Variants in SCLT1 observed in about 807,000 individuals in gnomAD.
SCLT1 encodes the protein sodium channel and clathrin linker 1.
In SCLT1, 78 loss-of-function variants were observed where a neutral mutation model predicts 112.8. That is an observed-to-expected ratio of 0.69 (90% CI 0.58 to 0.83). The LOEUF is 0.83. SCLT1 is among the 40% of genes least tolerant of loss of function. The pLI, the probability that SCLT1 is intolerant of heterozygous loss-of-function variation, is 0.00. For synonymous variants in SCLT1, 257 were observed against 254.7 expected (o/e 1.01, Z -0.09); for missense variants, 747 against 770.4 (o/e 0.97, Z 0.36).
At chr4:129,042,796 A>G (rs1180046272) in intron 4 of SCLT1, among the ~76,000 whole-genome samples, 1 of 152,012 alleles carries the variant, frequency 6.6e-6, no homozygotes, top group African/African-American at 2.4e-5. Context: ...CCACAGGTGC[A>G]CACCACCACA....
intron 9 of SCLT1, among the ~76,000 whole-genome samples, chr4:128,973,284 TA>T (rs1740852309): frequency 6.6e-6 from 1 of 152,070 alleles, no homozygotes; most frequent in South Asian, 2.1e-4. Context: ...TGTGAGTTCA[TA>T]AAAAATATAC....
At chr4:129,019,573 T>C (rs1311109507) in intron 5 of SCLT1, among the ~76,000 whole-genome samples, 2 of 151,916 alleles carry the variant, frequency 1.3e-5, no homozygotes, top group South Asian at 2.1e-4. Flanking sequence ...ATAACCACTA[T>C]GGTTAATTCC....
At chr4:128,931,275 A>T (rs1736737525) in intron 18 of SCLT1, among the ~76,000 whole-genome samples, 1 of 152,162 alleles carries the variant, frequency 6.6e-6, no homozygotes, top group African/African-American at 2.4e-5. Context: ...ACTGAGCAGC[A>T]AAGAGCAAAT....
chr4:129,042,181 T>A (rs1747758482), intron 4 of SCLT1, among the ~76,000 whole-genome samples: 1 of 152,210 alleles, frequency 6.6e-6, no homozygotes, highest in Non-Finnish European at 1.5e-5. Context: ...ATATTCAAGC[T>A]CTAATAGAGA....
intron 5 of SCLT1, among the ~76,000 whole-genome samples, chr4:129,010,766 T>G (rs2058662369): frequency 6.6e-6 from 1 of 152,194 alleles, no homozygotes; most frequent in South Asian, 2.1e-4. Context: ...TTTTACACAT[T>G]GATTTTGTAT....
At chr4:128,883,600 A>G (rs955908136), downstream of SCLT1, among the ~76,000 whole-genome samples, 2 of 152,172 alleles carry the variant, frequency 1.3e-5, no homozygotes, top group Non-Finnish European at 2.9e-5. Context: ...AACTGTTAGC[A>G]CCATTACTAA....
intron 5 of SCLT1, among the ~76,000 whole-genome samples, chr4:129,033,095 A>T (rs1746873208): frequency 1.3e-5 from 2 of 152,206 alleles, no homozygotes; most frequent in African/African-American, 2.4e-5. Flanking sequence ...AATGCCCATC[A>T]ATGAGAGACT....
intron 11 of SCLT1, among the ~76,000 whole-genome samples, chr4:128,961,199 A>G (rs560278555): frequency 6.6e-6 from 1 of 151,916 alleles, no homozygotes; most frequent in Non-Finnish European, 1.5e-5. Flanking sequence ...TATTTCCATG[A>G]CTTTAATTTT....
chr4:128,943,444 C>T (rs1299685506), intron 16 of SCLT1, among the ~76,000 whole-genome samples: 7 of 152,064 alleles, frequency 4.6e-5, no homozygotes, highest in Admixed American at 4.6e-4. Context: ...CAATGTGAGA[C>T]TTCTTTCAAA....
intron 18 of SCLT1, among the ~76,000 whole-genome samples, chr4:128,930,219 C>T (rs1736648624): frequency 6.6e-6 from 1 of 152,046 alleles, no homozygotes; most frequent in Non-Finnish European, 1.5e-5. Context: ...AGACAGCTGC[C>T]AAGTCATGAG....
At chr4:128,935,638 T>G (rs1737122600) in intron 18 of SCLT1, among the ~76,000 whole-genome samples, 1 of 152,126 alleles carries the variant, frequency 6.6e-6, no homozygotes, top group African/African-American at 2.4e-5. Context: ...ACATTAAGTG[T>G]TCAATAAATA....
intron 12 of SCLT1, among the ~76,000 whole-genome samples, chr4:128,957,327 G>A (rs1283793850): frequency 6.6e-6 from 1 of 151,838 alleles, no homozygotes; most frequent in Non-Finnish European, 1.5e-5. Flanking sequence ...CTTTCTCTAT[G>A]GTATTTATTT....
chr4:128,938,864 C>A (rs1015469146), intron 17 of SCLT1, among the ~76,000 whole-genome samples: 19 of 152,094 alleles, frequency 1.2e-4, no homozygotes, highest in Non-Finnish European at 2.6e-4. Flanking sequence ...TGCCTGTAAT[C>A]CCAGCTACTC....
At chr4:128,946,582 G>T (rs1332889894) in intron 15 of SCLT1, among the ~76,000 whole-genome samples, 2 of 151,992 alleles carry the variant, frequency 1.3e-5, no homozygotes, top group African/African-American at 4.8e-5. Flanking sequence ...TTAAAAAATA[G>T]AATTTATTTT....
chr4:128,905,633 A>G (rs1178570838), intron 18 of SCLT1, among the ~76,000 whole-genome samples: 1 of 152,138 alleles, frequency 6.6e-6, no homozygotes, highest in East Asian at 1.9e-4. Context: ...GTAGCTTTTC[A>G]ATATTACAGC....
At chr4:129,087,084 G>C (rs1176400980) in intron 1 of SCLT1, among the ~76,000 whole-genome samples, 1 of 152,126 alleles carries the variant, frequency 6.6e-6, no homozygotes, top group Admixed American at 6.5e-5. Flanking sequence ...GACACGGGGG[G>C]AGGAAATGCA....
chr4:128,926,115 C>T (rs1256041506), intron 18 of SCLT1, among the ~76,000 whole-genome samples: 1 of 151,610 alleles, frequency 6.6e-6, no homozygotes, highest in Admixed American at 6.6e-5. Context: ...GTTATGGGTA[C>T]CATTTTCCTG....
At chr4:128,977,984 C>T (rs1301856643) in intron 9 of SCLT1, among the ~76,000 whole-genome samples, 2 of 152,040 alleles carry the variant, frequency 1.3e-5, no homozygotes, top group Non-Finnish European at 2.9e-5. Context: ...TGGATGATGA[C>T]TAGATTTGTG....
intron 19 of SCLT1, among the ~76,000 whole-genome samples, chr4:128,890,653 A>G (rs1415658361): frequency 6.6e-6 from 1 of 152,206 alleles, no homozygotes; most frequent in Non-Finnish European, 1.5e-5. Flanking sequence ...TTTAGTTCTA[A>G]GGCATAAATC....
Sources: gnomAD v4.1 joint callset for allele counts (sites outside exome capture counted in the v4.1 genomes callset) on GRCh38, gnomAD v4.1.1 for gene constraint, MANE v1.5 for transcripts, NCBI Gene and HGNC (gene_info 2026-07-23, HGNC 2026-07-21) for gene names.